Variants in DDX3X observed in about 807,000 individuals in gnomAD.
The protein encoded by DDX3X is ATP-dependent RNA helicase DDX3X.
A neutral mutation model predicts 52.7 loss-of-function variants in DDX3X; 4 were observed. That is an observed-to-expected ratio of 0.08 (90% CI 0.04 to 0.17). The LOEUF is 0.17. Among genes scored for constraint, DDX3X ranks in the 10% least tolerant of loss-of-function variants. The pLI is 1.00. For missense variants in DDX3X, 222 were observed against 548.6 expected (o/e 0.40, Z 5.95); for synonymous variants, 192 against 178.1 (o/e 1.08, Z -0.62).
intron 3 of DDX3X, 58 bp from the exon 4 acceptor site, chrX:41,341,426 T>C: frequency 9.7e-7 from 1 of 1,028,578 alleles, no homozygotes; most frequent in Non-Finnish European, 1.3e-6. Flanking sequence ...GATAATACCT[T>C]AACATGGTTC....
chrX:41,354,344 C>CTTTTTTTTTTTTTTTTTTTT (rs60965317), downstream of DDX3X, among the ~76,000 whole-genome samples: 3 of 69,960 alleles, frequency 4.3e-5, no homozygotes, highest in Admixed American at 2.0e-4. Flanking sequence ...TGTGCTACCT[C>CTTTTTTTTTTTTTTTTTTTT]TTTTTTTTTT....
At chrX:41,353,596 C>T (rs929547014), downstream of DDX3X, among the ~76,000 whole-genome samples, 3 of 104,848 alleles carry the variant, frequency 2.9e-5, no homozygotes, top group East Asian at 2.9e-4. Context: ...GGTGAAACTC[C>T]GTCTCTACTA....
At chrX:41,352,787 G>A (rs986715411), downstream of DDX3X, among the ~76,000 whole-genome samples, 4 of 111,143 alleles carry the variant, frequency 3.6e-5, no homozygotes, top group African/African-American at 1.3e-4. Flanking sequence ...TTTTGCTTGT[G>A]TTTTTATTCC....
In DDX3X at chrX:41,337,101, T is replaced by C. The variant is rs777361770; in HGVS notation, c.46-307T>C. ...TTTGGTGATTAGGGAGCCTGTGCTA[T>C]GGAACATGTTAGTGAAAATTTATTT... On this transcript the variant is annotated intron_variant, in intron 1 of 16. Transcript: ENST00000644876. 5.6e-4 allele frequency among the ~76,000 whole-genome samples: 63 copies of C among 112,632 alleles called. No homozygotes were observed. The Admixed American group carries it at 5.8e-3, about 10-fold the overall frequency.
intron 12 of DDX3X, 137 bp downstream of exon 12, chrX:41,345,685 T>TG (rs1309617734): frequency 6.9e-6 from 4 of 580,834 alleles, no homozygotes; most frequent in African/African-American, 2.4e-5. Context: ...GTTTCTGACC[T>TG]GGGCCTGTTC....
rs747764347 is a variant in DDX3X at position 41,337,258 on chromosome X, C to T, written c.46-150C>T. On this transcript the variant is annotated intron_variant, in intron 1 of 16. Transcript: ENST00000644876. The stretch of plus-strand genomic sequence containing the variant: ...TTGCAGACTTGAAAACATTCTTAGT[C>T]ACATTCTCATTAAGGGTTGGTATTA... 509 of 488,588 alleles carry T rather than the reference C, an allele frequency of 1.0e-3. 2 individuals carry two copies. Among genetic ancestry groups the T allele is most frequent in the Non-Finnish European group, 1.7e-3 (462 of 278,128 alleles). 40.3% of individuals were successfully genotyped at this position (488,588 alleles called of 1,213,427 possible).
chrX:41,344,443 GTTC>G (rs2063895282), intron 10 of DDX3X, 44 bp downstream of exon 10: 1 of 1,196,830 alleles, frequency 8.4e-7, no homozygotes, highest in South Asian at 1.8e-5. Context: ...GTTTTGTTTT[GTTC>G]TTTTGTTTTT....
At chrX:41,337,504 C>CTTA (rs758235183) in intron 2 of DDX3X, 39 bp downstream of exon 2, 3 of 1,069,596 alleles carry the variant, frequency 2.8e-6, no homozygotes, top group Admixed American at 5.0e-5. Context: ...AATATTAGAG[C>CTTA]TTAACATCTT....
chrX:41,335,475 T>C (rs965314531), intron 1 of DDX3X: 1 of 110,652 alleles, frequency 9.0e-6, no homozygotes, highest in Non-Finnish European at 1.9e-5. Context: ...AGATGTGTGA[T>C]TTGAGAGGAG....
chrX:41,341,391 G>A, intron 3 of DDX3X, 93 bp from the exon 4 acceptor site: 1 of 747,680 alleles, frequency 1.3e-6, no homozygotes, highest in Non-Finnish European at 1.9e-6. Context: ...GATAGTCAGT[G>A]GAGGCTTTCA....
Position 41,334,208 on chromosome X carries a change from C to G in DDX3X, c.-45C>G, listed in dbSNP as rs187075913. 2.5e-6 allele frequency: 3 copies of G among 1,180,014 alleles called. No homozygotes were observed. The East Asian group carries it at 9.0e-5, about 35-fold the overall frequency. On this transcript the variant is annotated 5_prime_UTR_variant, in exon 1 of 17. Transcript: ENST00000644876. ...GAGGGCCTTCGCGGTGGAACAAACA[C>G]TCGCTTAGCAGCGGAAGACTCCGAG...
In DDX3X at chrX:41,341,625, T is replaced by A; in HGVS notation, c.284+9T>A. On this transcript the variant is annotated intron_variant, in intron 4 of 16. Coordinates refer to ENST00000644876, the MANE Select transcript of DDX3X (RefSeq NM_001356.5). ...AGTGGATCAAGGGGAAGGTAAGTGA[T>A]TTCTTAATCACCTTACGTGTATGTA... 3 of 1,206,716 alleles carry A rather than the reference T, an allele frequency of 2.5e-6. No individual in the cohort carries two copies. Among genetic ancestry groups the A allele is most frequent in the Non-Finnish European group, 3.4e-6 (3 of 891,349 alleles).
chrX:41,339,550 TTTGAAAGG>T (rs2063818152), intron 3 of DDX3X: 1 of 112,569 alleles, frequency 8.9e-6, no homozygotes, highest in African/African-American at 3.2e-5. Context: ...CCTTGCTGCT[TTTGAAAGG>T]TTTTGTCCAA....
chrX:41,350,424 G>A (rs927271779), downstream of DDX3X: 8 of 112,079 alleles, frequency 7.1e-5, no homozygotes, highest in Non-Finnish European at 1.5e-4. Flanking sequence ...GTAATAGACG[G>A]AAATCTAAAA....
chrX:41,345,361 ATTTG>A (rs1264399637), intron 11 of DDX3X, 37 bp downstream of exon 11: 9 of 1,200,923 alleles, frequency 7.5e-6, no homozygotes, highest in South Asian at 3.7e-5. Flanking sequence ...TTATTTAGAA[ATTTG>A]TTTATCTCAG....
At chrX:41,344,462 A>C in intron 10 of DDX3X, 63 bp downstream of exon 10, 1 of 1,162,971 alleles carries the variant, frequency 8.6e-7, no homozygotes, top group Non-Finnish European at 1.2e-6. Context: ...TTTTTGGCAG[A>C]GTTGCGCTCT....
At chrX:41,334,574 C>T in intron 1 of DDX3X, 3 of 1,085,744 alleles carry the variant, frequency 2.8e-6, no homozygotes, top group South Asian at 4.4e-5. Context: ...GAAGTGCGCG[C>T]GCTCTCGCGG....
At chrX:41,353,076 TGC>T (rs1031628637), downstream of DDX3X, among the ~76,000 whole-genome samples, 1 of 111,589 alleles carries the variant, frequency 9.0e-6, no homozygotes, top group Non-Finnish European at 1.9e-5. Context: ...CTACTGTCTA[TGC>T]AAATCCTGTG....
intron 3 of DDX3X, chrX:41,339,304 G>A (rs1456084553): frequency 2.6e-5 from 5 of 193,567 alleles, no homozygotes; most frequent in Non-Finnish European, 4.9e-5. Flanking sequence ...CTGTTCTGAC[G>A]CCAAGGGCAT....
Sources: gnomAD v4.1 joint callset for allele counts (sites outside exome capture counted in the v4.1 genomes callset) on GRCh38, gnomAD v4.1.1 for gene constraint, MANE v1.5 for transcripts, NCBI Gene and HGNC (gene_info 2026-07-23, HGNC 2026-07-21) for gene names.